The following LRP1B variants were observed in gnomAD, a reference collection of about 807,000 sequenced individuals.
The protein encoded by LRP1B is low-density lipoprotein receptor-related protein 1B.
Under a neutral mutation model 556.6 loss-of-function variants are expected in LRP1B, and 217 were observed. The ratio of observed to expected loss-of-function variants is 0.39; its 90% CI spans 0.35 to 0.44. The LOEUF (loss-of-function observed/expected upper bound fraction) is 0.44, where lower values mean the gene tolerates loss of function less well. Ranked by LOEUF, LRP1B falls within the 20% of genes least tolerant of loss-of-function variation. LRP1B has a pLI of 1.00. For missense variants in LRP1B, 5,053 were observed against 5,620.8 expected (o/e 0.90, Z 3.23); for synonymous variants, 2,047 against 1,865.8 (o/e 1.10, Z -2.50).
At chr2:141,800,845 A>G (rs557348163) in intron 2 of LRP1B, among the ~76,000 whole-genome samples, 20 of 152,350 alleles carry the variant, frequency 1.3e-4, no homozygotes, top group Non-Finnish European at 2.5e-4. Flanking sequence ...TTGATGCAGT[A>G]GTCCCCCAAC....
intron 2 of LRP1B, among the ~76,000 whole-genome samples, chr2:141,536,063 G>A (rs1474005104): frequency 6.6e-6 from 1 of 152,034 alleles, no homozygotes; most frequent in Non-Finnish European, 1.5e-5. Flanking sequence ...AGTGTAATCA[G>A]ACTTCTTTAT....
At position 142,130,962 on chromosome 2, in the gene LRP1B, T is replaced by G; in HGVS notation, c.-233A>C. On this transcript the variant is annotated 5_prime_UTR_variant, in exon 1 of 91. Transcript: ENST00000389484. Reference sequence around the variant, plus strand: ...TGCGGGAGAGAGGAGGCAGAGCGTGTGTGAGCGCGAGCGAGACGCCCGTGT... The same window carrying G: ...TGCGGGAGAGAGGAGGCAGAGCGTGGGTGAGCGCGAGCGAGACGCCCGTGT... 11 of 580,122 alleles carry G rather than the reference T, an allele frequency of 1.9e-5. No individual in the cohort carries two copies. The South Asian group carries it at 2.2e-4, about 11-fold the overall frequency. The allele number at this position is 580,122 out of a possible 1,614,324, so 35.9% of individuals were successfully genotyped here.
chr2:141,091,426 A>C (rs72985117), intron 7 of LRP1B, among the ~76,000 whole-genome samples: 5,260 of 152,268 alleles, frequency 0.035, 264 homozygotes, highest in East Asian at 0.14. Context: ...ACAACAACAA[A>C]AAACATTGCT....
At chr2:141,351,974 GA>G (rs1171896150) in intron 3 of LRP1B, among the ~76,000 whole-genome samples, 1 of 151,848 alleles carries the variant, frequency 6.6e-6, no homozygotes, top group Non-Finnish European at 1.5e-5. Flanking sequence ...GAGGGAGTAT[GA>G]GGTATCTGAG....
chr2:141,725,090 T>A (rs16846974), intron 2 of LRP1B, among the ~76,000 whole-genome samples: 14,303 of 151,860 alleles, frequency 0.094, 1,211 homozygotes, highest in African/African-American at 0.22. Context: ...GGCACAAGTA[T>A]CACATAGTTC....
chr2:141,473,378 C>T (rs1052274232), intron 3 of LRP1B, among the ~76,000 whole-genome samples: 2 of 152,220 alleles, frequency 1.3e-5, no homozygotes, highest in East Asian at 1.9e-4. Flanking sequence ...TGGTATAGGT[C>T]TTTCAAAAGG....
chr2:141,216,539 C>T (rs1682822325), intron 6 of LRP1B, among the ~76,000 whole-genome samples: 1 of 152,102 alleles, frequency 6.6e-6, no homozygotes, highest in Non-Finnish European at 1.5e-5. Context: ...ATCCTTCATA[C>T]CCCAGAATGA....
At chr2:141,963,014 A>AT (rs1220839450) in intron 1 of LRP1B, among the ~76,000 whole-genome samples, 2 of 151,762 alleles carry the variant, frequency 1.3e-5, no homozygotes, top group Non-Finnish European at 2.9e-5. Flanking sequence ...CTAAAATAAG[A>AT]TTTTTTATTC....
In LRP1B at chr2:140,950,151, TACAA is replaced by T. The variant is rs1325022700; in HGVS notation, c.3136+80_3136+83del. ...TTGCCTAATAAGCAATTTCTTTTTATACAATATTCTCTCTGTAATACCCTAAGTA... is the reference window on the plus strand; with the variant it reads ...TTGCCTAATAAGCAATTTCTTTTTATTATTCTCTCTGTAATACCCTAAGTA... On this transcript the variant is annotated intron_variant, in intron 20 of 90. Transcript: ENST00000389484. 1.3e-5 allele frequency: 13 copies of T among 1,035,584 alleles called. No homozygotes were observed. The African/African-American group carries it at 2.0e-4, about 16-fold the overall frequency. The allele number at this position is 1,035,584 out of a possible 1,614,324, so 64.1% of individuals were successfully genotyped here. A position where few individuals can be genotyped will look rare whatever the true frequency, so the allele number is the denominator to read the frequency against.
Position 140,456,628 on chromosome 2 carries a change from C to A in LRP1B, c.9815-25G>T, listed in dbSNP as rs2105322397. On this transcript the variant is annotated intron_variant, in intron 61 of 90. Transcript: ENST00000389484. ...ACTAAAGATAAGAAAGAAACAACAACAACAAAACAGGATAATCAAGACTAA... is the reference window on the plus strand; with the variant it reads ...ACTAAAGATAAGAAAGAAACAACAAAAACAAAACAGGATAATCAAGACTAA... The A allele has an allele frequency of 8.1e-6, 13 of 1,595,224 alleles. No homozygotes were observed. In the East Asian group the frequency reaches 2.9e-4, roughly 36 times the overall value.
intron 77 of LRP1B, among the ~76,000 whole-genome samples, chr2:140,339,875 C>T (rs1681284032): frequency 6.6e-6 from 1 of 151,406 alleles, no homozygotes; most frequent in South Asian, 2.1e-4. Flanking sequence ...AAAACTTTGG[C>T]TTCTATTTAT....
chr2:140,543,659 A>T (rs1680218481), intron 43 of LRP1B, among the ~76,000 whole-genome samples: 1 of 151,952 alleles, frequency 6.6e-6, no homozygotes, highest in Non-Finnish European at 1.5e-5. Flanking sequence ...TGGCGTTTCT[A>T]ACTAGTATAA....
chr2:140,585,624 T>A (rs932577148), intron 43 of LRP1B, among the ~76,000 whole-genome samples: 1 of 152,160 alleles, frequency 6.6e-6, no homozygotes, highest in East Asian at 1.9e-4. Context: ...GATCACACAG[T>A]TTTTTTGAAC....
At chr2:140,915,968 C>A (rs1397633574) in intron 21 of LRP1B, among the ~76,000 whole-genome samples, 1 of 151,994 alleles carries the variant, frequency 6.6e-6, no homozygotes, top group East Asian at 2.0e-4. Flanking sequence ...ACAGAGTTTG[C>A]AGTGAGCCGA....
At chr2:141,072,111 C>T (rs185283727) in intron 7 of LRP1B, among the ~76,000 whole-genome samples, 36 of 152,178 alleles carry the variant, frequency 2.4e-4, no homozygotes, top group Admixed American at 7.2e-4. Context: ...CCTCTTCCTA[C>T]CCCAACCCTT....
chr2:141,926,934 T>C (rs1049733812), intron 1 of LRP1B, among the ~76,000 whole-genome samples: 2 of 152,108 alleles, frequency 1.3e-5, no homozygotes, highest in African/African-American at 4.8e-5. Flanking sequence ...TGATACAAAA[T>C]TAGGTTCAGA....
chr2:140,589,434 T>C (rs1187303346), intron 43 of LRP1B, among the ~76,000 whole-genome samples: 2 of 152,224 alleles, frequency 1.3e-5, no homozygotes, highest in Non-Finnish European at 2.9e-5. Context: ...ACCCAGTGAT[T>C]GAACTCTTAG....
At chr2:142,107,257 A>G (rs1032044556) in intron 1 of LRP1B, among the ~76,000 whole-genome samples, 2 of 152,200 alleles carry the variant, frequency 1.3e-5, no homozygotes, top group African/African-American at 4.8e-5. Flanking sequence ...CTTAATTCCC[A>G]ATGCAATGTT....
chr2:140,617,978 T>G (rs1683316768), intron 41 of LRP1B, among the ~76,000 whole-genome samples: 1 of 152,062 alleles, frequency 6.6e-6, no homozygotes, highest in African/African-American at 2.4e-5. Context: ...TTAACCTTTT[T>G]AAAACACTTT....
Sources: allele counts gnomAD v4.1 joint callset (sites outside exome capture counted in the v4.1 genomes callset), GRCh38; gene constraint gnomAD v4.1.1; transcripts MANE v1.5; gene names NCBI Gene and HGNC (gene_info 2026-07-23, HGNC 2026-07-21).